The following MCM9 variants were observed in gnomAD, a reference collection of about 807,000 sequenced individuals.
The protein encoded by MCM9 is DNA helicase MCM9.
MCM9 carries 55 observed loss-of-function variants against 72.8 expected under a neutral mutation model. That is an observed-to-expected ratio of 0.76 (90% CI 0.61 to 0.95). The LOEUF (loss-of-function observed/expected upper bound fraction) is 0.95. Among genes scored for constraint, MCM9 ranks in the 40% least tolerant of loss-of-function variants. The probability of loss-of-function intolerance (pLI) is 0.00; values close to 1 mark genes in which losing one functional copy is unlikely to be tolerated. For synonymous variants in MCM9, 480 were observed against 503.4 expected (o/e 0.95, Z 0.62); for missense variants, 1,279 against 1,377.0 (o/e 0.93, Z 1.13).
intron 9 of MCM9, among the ~76,000 whole-genome samples, chr6:118,837,725 C>T (rs917499245): frequency 2.0e-5 from 3 of 152,118 alleles, no homozygotes; most frequent in Non-Finnish European, 4.4e-5. Context: ...AATATTTCTC[C>T]ATTCCTTTAT....
At chr6:118,857,626 CAAAAA>C (rs1203197065) in intron 8 of MCM9, among the ~76,000 whole-genome samples, 11 of 70,958 alleles carry the variant, frequency 1.6e-4, no homozygotes, top group Admixed American at 7.5e-4. Flanking sequence ...CCAGACTGAC[CAAAAA>C]AAAAAAAAAA....
At chr6:118,847,772 A>G (rs1029223523) in intron 9 of MCM9, among the ~76,000 whole-genome samples, 1 of 151,892 alleles carries the variant, frequency 6.6e-6, no homozygotes, top group African/African-American at 2.4e-5. Flanking sequence ...ACTGAGACAT[A>G]GTCTAGTAAA....
Position 118,883,126 on chromosome 6 carries a change from A to G in MCM9, c.1151-26581T>C, listed in dbSNP as rs994362944. Among the ~76,000 whole-genome samples the G allele has an allele frequency of 3.3e-5, 5 of 152,062 alleles. No individual in the cohort carries two copies. The East Asian group carries it at 9.6e-4, about 29-fold the overall frequency. ...ATGTCTCAACAAATAGAGAATATCA[A>G]TAAGAGATAAAAAGGATTTTTAAAA... On this transcript the variant is annotated intron_variant, in intron 8 of 13. Coordinates refer to ENST00000619706, the MANE Select transcript of MCM9 (RefSeq NM_017696.3).
chr6:118,857,047 A>C (rs574731143), intron 8 of MCM9, among the ~76,000 whole-genome samples: 5 of 152,206 alleles, frequency 3.3e-5, no homozygotes, highest in Non-Finnish European at 7.3e-5. Flanking sequence ...CCTATGTTCT[A>C]AAAATGTAAG....
chr6:118,913,484 C>A, intron 6 of MCM9, 64 bp from the exon 7 acceptor site: 1 of 1,598,904 alleles, frequency 6.3e-7, no homozygotes, highest in South Asian at 1.1e-5. Context: ...TGAAATTTCC[C>A]TTCCTTTCCT....
chr6:118,823,350 T>G (rs188441948), intron 13 of MCM9, among the ~76,000 whole-genome samples: 1 of 152,170 alleles, frequency 6.6e-6, no homozygotes, highest in African/African-American at 2.4e-5. Context: ...GGGAGGGAAG[T>G]CCTCCGGGTC....
At chr6:118,858,462 ATTTT>A (rs537014328) in intron 8 of MCM9, among the ~76,000 whole-genome samples, 1 of 152,108 alleles carries the variant, frequency 6.6e-6, no homozygotes, top group Non-Finnish European at 1.5e-5. Flanking sequence ...AAAAAGCAAG[ATTTT>A]TTTCTTATCA....
At chr6:118,887,269 TA>T (rs1477033318) in intron 8 of MCM9, among the ~76,000 whole-genome samples, 6 of 152,294 alleles carry the variant, frequency 3.9e-5, no homozygotes, top group African/African-American at 1.2e-4. Context: ...CAAGACAATG[TA>T]GCAGTAGTAT....
intron 9 of MCM9, among the ~76,000 whole-genome samples, chr6:118,843,668 A>ATATATATACACG (rs1562407098): frequency 5.4e-5 from 3 of 55,432 alleles, no homozygotes; most frequent in African/African-American, 2.2e-4. Flanking sequence ...GTATATATAT[A>ATATATATACACG]TGTATGTATA....
At chr6:118,888,262 G>A (rs945621066) in intron 8 of MCM9, among the ~76,000 whole-genome samples, 32 of 152,214 alleles carry the variant, frequency 2.1e-4, no homozygotes, top group African/African-American at 7.5e-4. Context: ...AGAGGTGGGC[G>A]GATCACAAGG....
intron 13 of MCM9, among the ~76,000 whole-genome samples, chr6:118,822,641 T>G (rs562730017): frequency 1.1e-4 from 17 of 152,290 alleles, no homozygotes; most frequent in African/African-American, 4.1e-4. Flanking sequence ...CAGAGTGTGC[T>G]GCTAGAATCC....
intron 9 of MCM9, among the ~76,000 whole-genome samples, chr6:118,840,110 A>C (rs939464525): frequency 4.6e-5 from 7 of 151,786 alleles, no homozygotes; most frequent in Non-Finnish European, 1.0e-4. Context: ...TCTTTCTGAG[A>C]TGCCCTGTCC....
chr6:118,843,670 G>GTATA (rs1241155575), intron 9 of MCM9, among the ~76,000 whole-genome samples: 7 of 17,144 alleles, frequency 4.1e-4, no homozygotes, highest in African/African-American at 1.4e-3. Context: ...ATATATATAT[G>GTATA]TATGTATATA....
rs772359511 is a variant in MCM9 at position 118,815,761 on chromosome 6, G to C, written c.2495C>G (p.Ser832Cys). The change falls in exon 14 of 14, where the codon TCT (serine) becomes TGT (cysteine). Residue 832 changes from serine (S) to cysteine (C), a missense_variant. Physicochemically the swap from Ser to Cys is moderately radical, Grantham distance 112. Transcript: ENST00000619706. ...CAGTACTGAGTCTGGTTTATCAGCAGAGACTGCTGCTTCAGAATCTAGTGC... is the reference window on the plus strand; with the variant it reads ...CAGTACTGAGTCTGGTTTATCAGCACAGACTGCTGCTTCAGAATCTAGTGC... ...RLALDSEAAV[S>C]ADKPDSVLTH... 165 of 1,542,236 alleles carry C rather than the reference G, an allele frequency of 1.1e-4. No homozygotes were observed. The African/African-American group carries it at 2.2e-3, about 20-fold the overall frequency.
chr6:118,822,988 C>T (rs1773915408), intron 13 of MCM9, among the ~76,000 whole-genome samples: 2 of 152,192 alleles, frequency 1.3e-5, no homozygotes, highest in Non-Finnish European at 2.9e-5. Context: ...CCCAAGTCGA[C>T]TTCAGAATGG....
intron 8 of MCM9, among the ~76,000 whole-genome samples, chr6:118,893,808 G>T (rs1268584547): frequency 6.6e-6 from 1 of 150,500 alleles, no homozygotes; most frequent in Admixed American, 6.6e-5. Flanking sequence ...CTGTTGCACT[G>T]ATGTAAAAAG....
At chr6:118,834,688 C>A (rs921855531) in intron 9 of MCM9, among the ~76,000 whole-genome samples, 9 of 151,554 alleles carry the variant, frequency 5.9e-5, no homozygotes, top group Admixed American at 1.3e-4. Flanking sequence ...CCTTCACCCA[C>A]TTTTTGATGT....
At position 118,931,691 on chromosome 6, in the gene MCM9, T is replaced by C; in HGVS notation, c.33A>G (p.Gln11=). The C allele has an allele frequency of 1.2e-6, 2 of 1,613,762 alleles. No homozygotes were observed. Among genetic ancestry groups the C allele is most frequent in the Non-Finnish European group, 1.7e-6 (2 of 1,179,854 alleles). The change falls in exon 3 of 14, where the codon CAA becomes CAG. Residue 11 remains glutamine, a synonymous_variant. Coordinates refer to ENST00000619706, the MANE Select transcript of MCM9 (RefSeq NM_017696.3). MNSDQVTLVG[Q]VFESYVSEYH... is the part of the protein sequence containing the mutation. Reference sequence around the variant, plus strand: ...ATTCCGAAACATATGACTCAAACACTTGACCAACCAGTGTAACTTGATCGC... The same window carrying C: ...ATTCCGAAACATATGACTCAAACACCTGACCAACCAGTGTAACTTGATCGC...
chr6:118,816,782 C>T (rs1773435493), intron 13 of MCM9, among the ~76,000 whole-genome samples: 1 of 152,222 alleles, frequency 6.6e-6, no homozygotes, highest in South Asian at 2.1e-4. Context: ...TGAGGTCTCA[C>T]ATCTCTTTAC....
Sources: allele counts gnomAD v4.1 joint callset (sites outside exome capture counted in the v4.1 genomes callset), GRCh38; gene constraint gnomAD v4.1.1; transcripts MANE v1.5; gene names NCBI Gene and HGNC (gene_info 2026-07-23, HGNC 2026-07-21).